The following GNG2 variants were observed in gnomAD, a reference collection of about 807,000 sequenced individuals.
The protein encoded by GNG2 is guanine nucleotide-binding protein G(I)/G(S)/G(O) subunit gamma-2.
GNG2 carries 5 observed loss-of-function variants against 5.5 expected under a neutral mutation model. That is an observed-to-expected ratio of 0.91 (90% CI 0.48 to 1.92). The LOEUF (loss-of-function observed/expected upper bound fraction) is 1.92, where lower values mean the gene tolerates loss of function less well. Among genes scored for constraint, GNG2 ranks in the 30% most tolerant of loss-of-function variants. The pLI is 0.01. For synonymous variants in GNG2, 28 were observed against 32.0 expected (o/e 0.88, Z 0.42); for missense variants, 55 against 88.4 (o/e 0.62, Z 1.52).
At chr14:51,867,671 A>G (rs1882997834) in intron 1 of GNG2, among the ~76,000 whole-genome samples, 2 of 152,156 alleles carry the variant, frequency 1.3e-5, no homozygotes, top group African/African-American at 4.8e-5. Flanking sequence ...CGCCTAGGAT[A>G]AGTTAGTTCC....
intron 2 of GNG2, among the ~76,000 whole-genome samples, chr14:51,889,311 C>G (rs1189937321): frequency 1.3e-5 from 2 of 151,878 alleles, no homozygotes; most frequent in Admixed American, 1.3e-4. Flanking sequence ...CGGGGTTTCA[C>G]CATGTTGGCC....
intron 3 of GNG2, among the ~76,000 whole-genome samples, chr14:51,964,798 G>A (rs1249646551): frequency 1.3e-5 from 2 of 152,198 alleles, no homozygotes. Context: ...ATGGCTTGAG[G>A]TCAGGCGTTC....
chr14:51,960,593 A>G (rs988408263), intron 3 of GNG2, among the ~76,000 whole-genome samples: 3 of 152,210 alleles, frequency 2.0e-5, no homozygotes, highest in Admixed American at 1.3e-4. Flanking sequence ...GATATTAACA[A>G]TTGTTAAAAT....
intron 2 of GNG2, 96 bp downstream of exon 2, chr14:51,877,753 G>T (rs978189827): frequency 2.7e-6 from 1 of 375,980 alleles, no homozygotes; most frequent in African/African-American, 2.1e-5. Context: ...GAAAGCATGT[G>T]ATGTTTTATT....
intron 2 of GNG2, among the ~76,000 whole-genome samples, chr14:51,908,778 C>T (rs1886116523): frequency 8.4e-6 from 1 of 119,008 alleles, no homozygotes; most frequent in South Asian, 2.8e-4. Context: ...TGGGGTTTCA[C>T]CATGTTGGCC....
intron 2 of GNG2, among the ~76,000 whole-genome samples, chr14:51,908,527 GATCTATCT>G (rs10624821): frequency 0.4 from 59,102 of 149,420 alleles, 12,674 homozygotes; most frequent in East Asian, 0.67. Context: ...ATATTTTAAA[GATCTATCT>G]ATCTATCTAT....
chr14:51,940,250 T>G (rs1346717695), intron 2 of GNG2: 2 of 152,328 alleles, frequency 1.3e-5, no homozygotes, highest in Admixed American at 1.3e-4. Flanking sequence ...TCATTCTTCA[T>G]CTTAGCCAGC....
intron 2 of GNG2, among the ~76,000 whole-genome samples, chr14:51,936,138 T>G (rs556260054): frequency 1.3e-5 from 2 of 152,226 alleles, no homozygotes; most frequent in African/African-American, 4.8e-5. Context: ...GCTCCATGCT[T>G]TGGGAGGAAT....
At chr14:51,856,245 C>T (rs372773252), upstream of GNG2, among the ~76,000 whole-genome samples, 1 of 151,716 alleles carries the variant, frequency 6.6e-6, no homozygotes, top group African/African-American at 2.4e-5. Flanking sequence ...AGGAGGTGTA[C>T]AGCATTGCAG....
At chr14:51,964,715 G>A (rs1889798166) in intron 3 of GNG2, among the ~76,000 whole-genome samples, 1 of 152,146 alleles carries the variant, frequency 6.6e-6, no homozygotes, top group African/African-American at 2.4e-5. Context: ...AGTTGAAGTA[G>A]CCTTAAGTAA....
intron 2 of GNG2, chr14:51,841,547 G>T (rs1046430721): frequency 1.0e-5 from 7 of 702,156 alleles, no homozygotes; most frequent in Middle Eastern, 2.3e-4. Context: ...AGCTAATTAA[G>T]TGTTGGAGCC....
Position 51,928,762 on chromosome 14 carries a change from A to G in GNG2, c.-29-21888A>G, listed in dbSNP as rs113169641. On this transcript the variant is annotated intron_variant, in intron 2 of 3. Transcript: ENST00000556766. Reference sequence around the variant, plus strand: ...CGGGTACATACGGCTTATATTTATGACTAATGCCTGGTATTCTTTCTTTAC... The same window carrying G: ...CGGGTACATACGGCTTATATTTATGGCTAATGCCTGGTATTCTTTCTTTAC... Among the ~76,000 whole-genome samples, 1,077 of 152,274 alleles carry G rather than the reference A, an allele frequency of 7.1e-3. 18 individuals are homozygous for G. The highest frequency in any genetic ancestry group is 0.025 in the African/African-American group (1,026 of 41,550).
intron 2 of GNG2, among the ~76,000 whole-genome samples, chr14:51,938,989 C>G (rs1888167399): frequency 6.6e-6 from 1 of 152,148 alleles, no homozygotes; most frequent in African/African-American, 2.4e-5. Flanking sequence ...TTCAGATCCC[C>G]CTTGCCTGCT....
At chr14:51,927,340 G>A (rs993836914) in intron 2 of GNG2, among the ~76,000 whole-genome samples, 1 of 152,168 alleles carries the variant, frequency 6.6e-6, no homozygotes, top group Admixed American at 6.5e-5. Flanking sequence ...GCCAAGGATC[G>A]AAAATCAATT....
chr14:51,881,475 C>A (rs1357058364), intron 2 of GNG2, among the ~76,000 whole-genome samples: 2 of 152,068 alleles, frequency 1.3e-5, no homozygotes, highest in Non-Finnish European at 2.9e-5. Flanking sequence ...GGCCTTTCCC[C>A]ACTACTTCTG....
intron 1 of GNG2, among the ~76,000 whole-genome samples, chr14:51,871,172 A>G (rs950600679): frequency 3.9e-5 from 6 of 152,170 alleles, no homozygotes. Context: ...TTTAAACCTC[A>G]TGAATGACGG....
At chr14:51,892,319 A>AT (rs1037186702) in intron 2 of GNG2, among the ~76,000 whole-genome samples, 74 of 148,786 alleles carry the variant, frequency 5.0e-4, no homozygotes, top group South Asian at 8.5e-4. Flanking sequence ...ATTTTATTTT[A>AT]TTTTTTTTTT....
At chr14:51,858,297 A>T (rs943264588), upstream of GNG2, among the ~76,000 whole-genome samples, 1 of 152,194 alleles carries the variant, frequency 6.6e-6, no homozygotes, top group Non-Finnish European at 1.5e-5. Context: ...ATGAGGTATT[A>T]ATGAAAGAGA....
intron 2 of GNG2, among the ~76,000 whole-genome samples, chr14:51,842,887 A>G (rs1186853999): frequency 1.3e-5 from 2 of 151,966 alleles, no homozygotes; most frequent in Non-Finnish European, 2.9e-5. Flanking sequence ...CTGGTCCCGA[A>G]CTCCTGACCC....
Sources: allele counts gnomAD v4.1 joint callset (sites outside exome capture counted in the v4.1 genomes callset), GRCh38; gene constraint gnomAD v4.1.1; transcripts MANE v1.5; gene names NCBI Gene and HGNC (gene_info 2026-07-23, HGNC 2026-07-21).